Variants in EPHX2 observed in about 807,000 individuals in gnomAD.
EPHX2 encodes the protein epoxide hydrolase 2.
In EPHX2, 74 loss-of-function variants were observed where a neutral mutation model predicts 78.7. That is an observed-to-expected ratio of 0.94 (90% CI 0.78 to 1.14). The LOEUF (loss-of-function observed/expected upper bound fraction) is 1.14, where lower values mean the gene tolerates loss of function less well. Among genes scored for constraint, EPHX2 ranks in the 50% most tolerant of loss-of-function variants. The pLI, the probability that EPHX2 is intolerant of heterozygous loss-of-function variation, is 0.00. For missense variants in EPHX2, 715 were observed against 702.5 expected (o/e 1.02, Z -0.20); for synonymous variants, 251 against 255.2 (o/e 0.98, Z 0.16).
At chr8:27,508,075 C>T (rs1184908971) in intron 5 of EPHX2, among the ~76,000 whole-genome samples, 2 of 152,082 alleles carry the variant, frequency 1.3e-5, no homozygotes, top group Admixed American at 6.6e-5. Flanking sequence ...CCAAGGTGGG[C>T]GGATCGGTTG....
At chr8:27,539,317 C>T (rs72477582) in intron 14 of EPHX2, 11 of 152,484 alleles carry the variant, frequency 7.2e-5, no homozygotes, top group African/African-American at 2.2e-4. Flanking sequence ...TGTTTGGGCA[C>T]GTGCTGACCA....
rs1042064 is a variant in EPHX2, at chr8:27,544,615, T to C, written c.*93T>C. 0.3 allele frequency: 375,607 copies of C among 1,269,652 alleles called. 60,224 individuals are homozygous for C. Among genetic ancestry groups the C allele is most frequent in the African/African-American group, 0.63 (42,606 of 67,890 alleles). The allele number at this position is 1,269,652 out of a possible 1,614,324, so 78.6% of individuals were successfully genotyped here. On this transcript the variant is annotated 3_prime_UTR_variant, in exon 19 of 19. Coordinates refer to ENST00000521400, the MANE Select transcript of EPHX2 (RefSeq NM_001979.6). ...TACAGAGGTGGCCTTACACACATCT[T>C]GCATGGATGGCAGCATTGTTCTGAA...
chr8:27,515,173 T>C (rs1585200633), intron 6 of EPHX2, among the ~76,000 whole-genome samples: 1 of 151,876 alleles, frequency 6.6e-6, no homozygotes, highest in East Asian at 1.9e-4. Context: ...ACTCTGGCCT[T>C]GCAGAGAGTC....
chr8:27,505,435 A>G (rs191105097), intron 4 of EPHX2, among the ~76,000 whole-genome samples: 33 of 152,304 alleles, frequency 2.2e-4, no homozygotes, highest in African/African-American at 7.7e-4. Flanking sequence ...TTACAAAGAA[A>G]TGGAGATCCT....
chr8:27,509,953 A>T (rs1182004058), intron 5 of EPHX2, among the ~76,000 whole-genome samples: 1 of 152,160 alleles, frequency 6.6e-6, no homozygotes, highest in Non-Finnish European at 1.5e-5. Context: ...ACATGGCAGG[A>T]GGGACCCTAA....
intron 9 of EPHX2, 80 bp downstream of exon 9, chr8:27,518,152 A>G: frequency 8.2e-7 from 1 of 1,219,568 alleles, no homozygotes; most frequent in Non-Finnish European, 1.2e-6. Context: ...ATCCATTCAA[A>G]TTTTAGGGAA....
chr8:27,492,427 T>C (rs991697706), intron 1 of EPHX2, among the ~76,000 whole-genome samples: 1 of 152,184 alleles, frequency 6.6e-6, no homozygotes, highest in Non-Finnish European at 1.5e-5. Context: ...AAGGATTGCC[T>C]GAGCCCAGGA....
At chr8:27,512,383 A>C (rs1264810236) in intron 6 of EPHX2, among the ~76,000 whole-genome samples, 2 of 152,210 alleles carry the variant, frequency 1.3e-5, no homozygotes, top group Admixed American at 1.3e-4. Flanking sequence ...CATTTATCGA[A>C]CACTTCCTCT....
chr8:27,508,815 TAC>T (rs1814119784), intron 5 of EPHX2, among the ~76,000 whole-genome samples: 1 of 152,152 alleles, frequency 6.6e-6, no homozygotes, highest in Non-Finnish European at 1.5e-5. Flanking sequence ...TAAGAAAATG[TAC>T]ACTGTCGTGC....
chr8:27,543,655 C>A, intron 16 of EPHX2, 94 bp from the exon 17 acceptor site: 2 of 1,283,904 alleles, frequency 1.6e-6, no homozygotes, highest in Non-Finnish European at 1.1e-6. Flanking sequence ...AACGTCAGGA[C>A]CACAGCAGGG....
At chr8:27,512,018 A>G (rs1814269769) in intron 6 of EPHX2, 108 bp downstream of exon 6, 1 of 1,089,054 alleles carries the variant, frequency 9.2e-7, no homozygotes. Flanking sequence ...CCTGAACCTG[A>G]GCCTGGGAAG....
rs1485214756 is a variant in EPHX2, at chr8:27,503,739, G to A, written c.322G>A (p.Ala108Thr). ...ARKINRPMLQAALMLRKKGFT... is the reference protein window; with the variant it reads ...ARKINRPMLQTALMLRKKGFT... ...AAAGATCAACCGCCCCATGCTCCAG[G>A]CAGCTCTCATGCTCAGGAAGAAAGG... Residue 108 changes from alanine to threonine, a missense_variant, in exon 3 of 19, where the codon GCA becomes ACA. Physicochemically the swap from Ala to Thr is moderately conservative, Grantham distance 58 (BLOSUM62 0). Coordinates refer to ENST00000521400, the MANE Select transcript of EPHX2 (RefSeq NM_001979.6). The A allele has an allele frequency of 6.2e-7, 1 of 1,612,826 alleles. No individual in the cohort carries two copies. Among genetic ancestry groups the A allele is most frequent in the South Asian group, 1.1e-5 (1 of 91,056 alleles).
At chr8:27,536,731 C>T in intron 12 of EPHX2, 53 bp from the exon 13 acceptor site, 1 of 1,598,682 alleles carries the variant, frequency 6.3e-7, no homozygotes, top group Non-Finnish European at 8.6e-7. Flanking sequence ...AGGAGGGGTA[C>T]AGTTTCCACG....
intron 2 of EPHX2, among the ~76,000 whole-genome samples, chr8:27,502,037 C>A (rs955205308): frequency 3.3e-5 from 5 of 152,180 alleles, no homozygotes; most frequent in African/African-American, 1.2e-4. Context: ...CTGCTGTCAC[C>A]AGCACCCAGA....
chr8:27,520,911 T>TA lies in EPHX2; in HGVS notation c.972+4dup. On this transcript the variant is annotated splice_region_variant and intron_variant, in intron 10 of 18. Transcript: ENST00000521400. ...ATGGTAACCTTCCTGGATAAACTGG[T>TA]AAGTCATTATTTTGAACTGATATCT... 1 of 1,614,154 alleles carries TA rather than the reference T, an allele frequency of 6.2e-7. No homozygotes were observed. The highest frequency in any genetic ancestry group is 8.5e-7 in the Non-Finnish European group (1 of 1,179,994).
Position 27,536,856 on chromosome 8 carries a change from G to T in EPHX2, c.1242+1G>T. The T allele has an allele frequency of 6.2e-7, 1 of 1,613,914 alleles. No individual in the cohort carries two copies. Among genetic ancestry groups the T allele is most frequent in the African/African-American group, 1.3e-5 (1 of 74,996 alleles). The stretch of plus-strand genomic sequence containing the variant: ...AAGCCTCTTCAGAGCAAGCGATGAG[G>T]TGAGGGGTGGGGATGGGTGCAGAAG... On this transcript the variant is annotated splice_donor_variant, in intron 13 of 18. Transcript: ENST00000521400. LOFTEE classifies it high-confidence loss of function.
Position 27,501,000 on chromosome 8 carries a change from C to A in EPHX2, c.176C>A (p.Thr59Lys), listed in dbSNP as rs188742114. Residue 59 changes from threonine (T) to lysine (K), a missense_variant, in exon 2 of 19, where the codon ACA becomes AAA. Coordinates refer to ENST00000521400, the MANE Select transcript of EPHX2 (RefSeq NM_001979.6). ...ATTRLMKGEI[T>K]LSQWIPLMEE... ...ACCCGGCTTATGAAAGGAGAGATCA[C>A]ACTTTCCCAGGTGAGGGGACATCAC... 1.7e-5 allele frequency: 27 copies of A among 1,613,326 alleles called. No individual in the cohort carries two copies. Among genetic ancestry groups the A allele is most frequent in the Non-Finnish European group, 2.2e-5 (26 of 1,179,592 alleles).
Position 27,522,476 on chromosome 8 carries a change from G to T in EPHX2, c.1026G>T (p.Trp342Cys). ...IGHDWGGMLVWYMALFYPERV... is the reference protein window; with the variant it reads ...IGHDWGGMLVCYMALFYPERV... Reference sequence around the variant, plus strand: ...ATGACTGGGGTGGCATGCTGGTGTGGTACATGGCTCTCTTCTACCCCGAGA... The same window carrying T: ...ATGACTGGGGTGGCATGCTGGTGTGTTACATGGCTCTCTTCTACCCCGAGA... The change falls in exon 11 of 19, where the codon TGG becomes TGT. Residue 342 changes from tryptophan (W) to cysteine (C), a missense_variant. By Grantham distance (215) the Trp-to-Cys change is radical (BLOSUM62 -2). Transcript: ENST00000521400. 1 of 1,614,070 alleles carries T rather than the reference G, an allele frequency of 6.2e-7. No homozygotes were observed. The highest frequency in any genetic ancestry group is 1.3e-5 in the African/African-American group (1 of 75,012).
intron 6 of EPHX2, among the ~76,000 whole-genome samples, chr8:27,512,511 A>G (rs968268335): frequency 1.1e-4 from 17 of 152,250 alleles, no homozygotes; most frequent in African/African-American, 3.9e-4. Flanking sequence ...TTTTTGTTTT[A>G]AAGGGTTATC....
Sources: allele counts gnomAD v4.1 joint callset (sites outside exome capture counted in the v4.1 genomes callset), GRCh38; gene constraint gnomAD v4.1.1; transcripts MANE v1.5; gene names NCBI Gene and HGNC (gene_info 2026-07-23, HGNC 2026-07-21).